Variants in HCRTR2 observed in about 807,000 individuals in gnomAD.
HCRTR2 encodes the protein orexin receptor type 2.
In HCRTR2, 22 loss-of-function variants were observed where a neutral mutation model predicts 49.0. The observed-to-expected ratio is 0.45, with a 90% CI of 0.32 to 0.64. The LOEUF (loss-of-function observed/expected upper bound fraction) is 0.64. HCRTR2 is among the 30% of genes least tolerant of loss of function. HCRTR2 has a pLI of 0.04. For missense variants in HCRTR2, 491 were observed against 559.4 expected (o/e 0.88, Z 1.23); for synonymous variants, 236 against 205.3 (o/e 1.15, Z -1.28).
intron 1 of HCRTR2, among the ~76,000 whole-genome samples, chr6:55,158,948 A>C (rs1455601428): frequency 1.3e-5 from 2 of 152,168 alleles, no homozygotes; most frequent in African/African-American, 4.8e-5. Flanking sequence ...ACAGCGCTCG[A>C]GCTCTGCTAA....
At chr6:55,275,789 TA>T (rs2127330341) in intron 4 of HCRTR2, among the ~76,000 whole-genome samples, 1 of 152,218 alleles carries the variant, frequency 6.6e-6, no homozygotes, top group South Asian at 2.1e-4. Flanking sequence ...TTTGTATTTT[TA>T]GTAGAGGCGG....
chr6:55,278,596 C>T (rs1767124790), intron 5 of HCRTR2, among the ~76,000 whole-genome samples: 1 of 152,040 alleles, frequency 6.6e-6, no homozygotes. Flanking sequence ...TTCAGTGATA[C>T]TATTTACTAC....
chr6:55,124,458 G>A (rs778662013), intron 1 of HCRTR2, among the ~76,000 whole-genome samples: 15 of 152,176 alleles, frequency 9.9e-5, no homozygotes, highest in Non-Finnish European at 1.6e-4. Flanking sequence ...GTTCTAATTT[G>A]ATTGCACTGT....
chr6:55,237,182 C>A (rs62416799), intron 1 of HCRTR2, among the ~76,000 whole-genome samples: 27,535 of 151,838 alleles, frequency 0.18, 2,870 homozygotes, highest in Non-Finnish European at 0.24. Context: ...AATATATCTA[C>A]TTTCTTGACA....
At chr6:55,157,720 G>T (rs1047425614) in intron 1 of HCRTR2, among the ~76,000 whole-genome samples, 1 of 152,186 alleles carries the variant, frequency 6.6e-6, no homozygotes, top group African/African-American at 2.4e-5. Flanking sequence ...TAAGGGAAGA[G>T]AATAAAAGTC....
rs1764460416 is a variant in HCRTR2 at position 55,138,408 on chromosome 6, T to C, written c.-378+31863T>C. Among the ~76,000 whole-genome samples, 5 of 152,214 alleles carry C rather than the reference T, an allele frequency of 3.3e-5. No homozygotes were observed. In the South Asian group the frequency reaches 1.0e-3, roughly 31 times the overall value. ...AGGTGAACTTGATCAAATTAATGAATAACTTGGTCAAATAAATGAAGACAC... is the reference window on the plus strand; with the variant it reads ...AGGTGAACTTGATCAAATTAATGAACAACTTGGTCAAATAAATGAAGACAC... On this transcript the variant is annotated intron_variant, in intron 1 of 7. Coordinates refer to the HCRTR2 transcript ENST00000615358.
intron 1 of HCRTR2, among the ~76,000 whole-genome samples, chr6:55,164,708 G>A (rs901186594): frequency 1.7e-4 from 26 of 152,004 alleles, no homozygotes; most frequent in Admixed American, 6.6e-5. Flanking sequence ...AACCACCGTG[G>A]CACATGTATA....
At chr6:55,218,084 T>G (rs540224044) in intron 1 of HCRTR2, among the ~76,000 whole-genome samples, 12 of 152,166 alleles carry the variant, frequency 7.9e-5, no homozygotes, top group African/African-American at 2.7e-4. Flanking sequence ...GCAAGAACAA[T>G]AGCCAAACTG....
chr6:55,127,147 T>C lies in HCRTR2; in HGVS notation c.-378+20602T>C, dbSNP rs537733908. ...AAAAAAATTTCTGCAGCTAGTTCAG[T>C]GTCTGCCCAAACGGCCACCAAGTTT... On this transcript the variant is annotated intron_variant, in intron 1 of 7. Coordinates refer to the HCRTR2 transcript ENST00000615358. 5.9e-5 allele frequency among the ~76,000 whole-genome samples: 9 copies of C among 152,174 alleles called. No individual in the cohort carries two copies. The South Asian group carries it at 1.9e-3, about 32-fold the overall frequency.
At chr6:55,115,923 G>A (rs1481577710) in intron 1 of HCRTR2, among the ~76,000 whole-genome samples, 1 of 151,636 alleles carries the variant, frequency 6.6e-6, no homozygotes, top group Non-Finnish European at 1.5e-5. Flanking sequence ...TGATGTATGT[G>A]TGTAAAATAT....
chr6:55,146,980 A>G (rs139876091), intron 1 of HCRTR2, among the ~76,000 whole-genome samples: 1 of 152,308 alleles, frequency 6.6e-6, no homozygotes, highest in African/African-American at 2.4e-5. Flanking sequence ...ATACACTCTG[A>G]TTTAATTGGT....
chr6:55,173,816 T>C (rs1764986327), upstream of HCRTR2, among the ~76,000 whole-genome samples: 1 of 152,194 alleles, frequency 6.6e-6, no homozygotes, highest in Non-Finnish European at 1.5e-5. Flanking sequence ...ACAGTCTCAT[T>C]CTCAAATTTT....
At chr6:55,238,554 A>G (rs1766258295) in intron 1 of HCRTR2, among the ~76,000 whole-genome samples, 1 of 152,178 alleles carries the variant, frequency 6.6e-6, no homozygotes, top group Admixed American at 6.5e-5. Context: ...CTGAATACAC[A>G]CACACAGAAA....
intron 1 of HCRTR2, among the ~76,000 whole-genome samples, chr6:55,191,749 G>C (rs1353913243): frequency 1.3e-5 from 2 of 151,384 alleles, no homozygotes; most frequent in Non-Finnish European, 2.9e-5. Flanking sequence ...CCAAGGACTG[G>C]TCTACACTAA....
chr6:55,249,955 C>G (rs993351726), intron 2 of HCRTR2, among the ~76,000 whole-genome samples: 1 of 151,898 alleles, frequency 6.6e-6, no homozygotes, highest in Non-Finnish European at 1.5e-5. Flanking sequence ...CTCCCAGTAA[C>G]AAAAAATTAG....
chr6:55,212,513 C>A (rs1198484674), intron 1 of HCRTR2, among the ~76,000 whole-genome samples: 1 of 152,262 alleles, frequency 6.6e-6, no homozygotes, highest in South Asian at 2.1e-4. Context: ...AAAGATTTTG[C>A]TTTCTGCTGT....
At chr6:55,162,695 T>G (rs559001434) in intron 1 of HCRTR2, among the ~76,000 whole-genome samples, 3 of 152,050 alleles carry the variant, frequency 2.0e-5, no homozygotes, top group Non-Finnish European at 2.9e-5. Flanking sequence ...ACACTAATAA[T>G]AGACAAACAG....
chr6:55,153,637 T>A (rs1425864486), intron 1 of HCRTR2, among the ~76,000 whole-genome samples: 1 of 151,986 alleles, frequency 6.6e-6, no homozygotes, highest in Non-Finnish European at 1.5e-5. Flanking sequence ...TATTTTGTAA[T>A]CAGGAAGTGT....
intron 1 of HCRTR2, among the ~76,000 whole-genome samples, chr6:55,193,829 T>C (rs1185588245): frequency 6.6e-6 from 1 of 152,140 alleles, no homozygotes; most frequent in Non-Finnish European, 1.5e-5. Context: ...TGAATTCCAT[T>C]AATGGATATG....
Sources: allele counts gnomAD v4.1 joint callset (sites outside exome capture counted in the v4.1 genomes callset), GRCh38; gene constraint gnomAD v4.1.1; transcripts MANE v1.5; gene names NCBI Gene and HGNC (gene_info 2026-07-23, HGNC 2026-07-21).